Variants in PRKRA observed in about 807,000 individuals in gnomAD.
The protein encoded by PRKRA is interferon-inducible double-stranded RNA-dependent protein kinase activator A.
Under a neutral mutation model 32.4 loss-of-function variants are expected in PRKRA, and 22 were observed. That is an observed-to-expected ratio of 0.68 (90% CI 0.49 to 0.97). PRKRA has a LOEUF of 0.97. Among genes scored for constraint, PRKRA ranks in the 50% least tolerant of loss-of-function variants. PRKRA has a pLI of 0.00. For synonymous variants in PRKRA, 139 were observed against 129.8 expected (o/e 1.07, Z -0.48); for missense variants, 319 against 375.6 (o/e 0.85, Z 1.25).
chr2:178,439,489 C>A (rs1575091758), intron 6 of PRKRA: 1 of 152,272 alleles, frequency 6.6e-6, no homozygotes, highest in East Asian at 1.9e-4. Context: ...TTGATGAATT[C>A]TCTTGTTTCT....
At chr2:178,449,695 A>G (rs1697472006) in intron 2 of PRKRA, among the ~76,000 whole-genome samples, 1 of 152,222 alleles carries the variant, frequency 6.6e-6, no homozygotes, top group African/African-American at 2.4e-5. Context: ...AATATACAAA[A>G]TATCTGTTCA....
Position 178,436,361 on chromosome 2 carries a change from G to A in PRKRA, c.610-42C>T, listed in dbSNP as rs756540950. On this transcript the variant is annotated intron_variant, in intron 6 of 7. Transcript: ENST00000325748. ...AAGATTTAGACTCTTGACTAGGACT[G>A]GGTTCCAACACCCGTACCAGTATCA... is the stretch of plus-strand genomic sequence containing the variant. The A allele has an allele frequency of 2.9e-6, 3 of 1,026,410 alleles. No homozygotes were observed. The African/African-American group carries it at 5.6e-5, about 19-fold the overall frequency. 63.6% of individuals were successfully genotyped at this position (1,026,410 alleles called of 1,614,324 possible).
At chr2:178,439,057 T>C (rs960400183) in intron 6 of PRKRA, 8 of 152,318 alleles carry the variant, frequency 5.3e-5, no homozygotes, top group South Asian at 2.1e-4. Flanking sequence ...TATTCTTTAG[T>C]AGACTTTTCC....
intron 7 of PRKRA, chr2:178,434,137 G>GTCTC (rs1696785848): frequency 6.7e-6 from 1 of 149,538 alleles, no homozygotes; most frequent in African/African-American, 2.5e-5. Flanking sequence ...TTGAGACAGA[G>GTCTC]TCTCACTCTG....
At chr2:178,440,713 G>T (rs963204151) in intron 6 of PRKRA, among the ~76,000 whole-genome samples, 1 of 151,996 alleles carries the variant, frequency 6.6e-6, no homozygotes, top group South Asian at 2.1e-4. Flanking sequence ...CATGTCTCAC[G>T]TGTCTTCTGT....
At chr2:178,443,422 G>T (rs755089119) in intron 4 of PRKRA, 38 bp from the exon 5 acceptor site, 1 of 636,868 alleles carries the variant, frequency 1.6e-6, no homozygotes. Context: ...GTAATTTTAT[G>T]CAATGGCTCA....
At chr2:178,437,166 A>C (rs1575089277) in intron 6 of PRKRA, among the ~76,000 whole-genome samples, 2 of 152,160 alleles carry the variant, frequency 1.3e-5, no homozygotes, top group East Asian at 3.8e-4. Context: ...TATTAGATTT[A>C]CCAAATAAAA....
At chr2:178,443,136 T>A (rs1697178673) in intron 5 of PRKRA, 131 bp downstream of exon 5, 1 of 687,388 alleles carries the variant, frequency 1.5e-6, no homozygotes, top group Non-Finnish European at 2.6e-6. Flanking sequence ...CCTCAGAAAG[T>A]CAGAGACAAT....
chr2:178,449,098 G>C (rs555976981), intron 2 of PRKRA, among the ~76,000 whole-genome samples: 1 of 152,212 alleles, frequency 6.6e-6, no homozygotes, highest in East Asian at 1.9e-4. Flanking sequence ...AGATAAGCTT[G>C]CACAGGAAGC....
At chr2:178,443,468 C>G in intron 4 of PRKRA, 84 bp from the exon 5 acceptor site, 1 of 654,444 alleles carries the variant, frequency 1.5e-6, no homozygotes, top group Non-Finnish European at 2.5e-6. Context: ...GATCCCATTT[C>G]TATGTATATG....
Position 178,441,657 on chromosome 2 carries a change from A to G in PRKRA, c.562T>C (p.Phe188Leu). 6.2e-7 allele frequency: 1 copy of G among 1,612,460 alleles called. No individual in the cohort carries two copies. The highest frequency in any genetic ancestry group is 8.5e-7 in the Non-Finnish European group (1 of 1,178,492). Reference protein sequence around the residue: ...KQAKRNAAEKFLAKFSNISPE... With the variant: ...KQAKRNAAEKLLAKFSNISPE... ...GAAATATTACTAAATTTGGCAAGAAATTTCTCAGCAGCATTCCTTTTGGCT... is the reference window on the plus strand; with the variant it reads ...GAAATATTACTAAATTTGGCAAGAAGTTTCTCAGCAGCATTCCTTTTGGCT... The change falls in exon 6 of 8, where the codon TTT (phenylalanine) becomes CTT (leucine). Residue 188 changes from phenylalanine to leucine, a missense_variant. Coordinates refer to ENST00000325748, the MANE Select transcript of PRKRA (RefSeq NM_003690.5).
chr2:178,441,500 T>C, intron 6 of PRKRA, 110 bp downstream of exon 6: 1 of 917,200 alleles, frequency 1.1e-6, no homozygotes, highest in South Asian at 1.4e-5. Context: ...AATGAAGAGA[T>C]TTCTAAAAAT....
chr2:178,447,324 G>T, intron 3 of PRKRA, 181 bp downstream of exon 3: 3 of 1,081,122 alleles, frequency 2.8e-6, no homozygotes, highest in Non-Finnish European at 3.9e-6. Context: ...ATAGCTAATT[G>T]CTGGATTTGA....
At chr2:178,434,960 A>G (rs1026561515) in intron 7 of PRKRA, among the ~76,000 whole-genome samples, 2 of 132,096 alleles carry the variant, frequency 1.5e-5, no homozygotes, top group African/African-American at 2.6e-5. Flanking sequence ...CATCTCTACT[A>G]AAAAAAAAAA....
In PRKRA at chr2:178,447,604, A is replaced by G; in HGVS notation, c.236-18T>C. On this transcript the variant is annotated intron_variant, in intron 2 of 7. Transcript: ENST00000325748. Reference sequence around the variant, plus strand: ...ACCTTCACCTGAATTAAGATTTAAAAAAAGAAGTCTTTATCTCCCACAAAA... The same window carrying G: ...ACCTTCACCTGAATTAAGATTTAAAGAAAGAAGTCTTTATCTCCCACAAAA... 1 of 796,746 alleles carries G rather than the reference A, an allele frequency of 1.3e-6. No individual in the cohort carries two copies. The highest frequency in any genetic ancestry group is 1.9e-5 in the African/African-American group (1 of 51,730). The allele number at this position is 796,746 out of a possible 1,614,324, so 49.4% of individuals were successfully genotyped here.
chr2:178,441,085 C>G (rs1036395133), intron 6 of PRKRA, among the ~76,000 whole-genome samples: 2 of 152,308 alleles, frequency 1.3e-5, no homozygotes, highest in Admixed American at 6.5e-5. Flanking sequence ...TTAGACATTA[C>G]TTCTTCCTGG....
At chr2:178,450,933 C>T (rs549157819) in intron 1 of PRKRA, 33 bp downstream of exon 1, 2 of 885,280 alleles carry the variant, frequency 2.3e-6, no homozygotes, top group South Asian at 1.9e-5. Flanking sequence ...CCAACGCTCC[C>T]GGCCCTGGGG....
At chr2:178,447,017 A>AAAAAC in intron 3 of PRKRA, among the ~76,000 whole-genome samples, 1 of 150,514 alleles carries the variant, frequency 6.6e-6, no homozygotes, top group Non-Finnish European at 1.5e-5. Flanking sequence ...AAAAAAAAAA[A>AAAAAC]TCTTACTTTA....
At chr2:178,438,722 G>A (rs1270063987) in intron 6 of PRKRA, 5 of 151,154 alleles carry the variant, frequency 3.3e-5, no homozygotes, top group African/African-American at 1.2e-4. Context: ...CTGTCGCCTA[G>A]GCTGGAGTGC....
Sources: gnomAD v4.1 joint callset for allele counts (sites outside exome capture counted in the v4.1 genomes callset) on GRCh38, gnomAD v4.1.1 for gene constraint, MANE v1.5 for transcripts, NCBI Gene and HGNC (gene_info 2026-07-23, HGNC 2026-07-21) for gene names.